The following GRIP1 variants were observed in gnomAD, a reference collection of about 807,000 sequenced individuals.
GRIP1 encodes glutamate receptor interacting protein 1.
A neutral mutation model predicts 129.9 loss-of-function variants in GRIP1; 45 were observed. That is an observed-to-expected ratio of 0.35 (90% CI 0.27 to 0.44). GRIP1 has a LOEUF of 0.44. Among genes scored for constraint, GRIP1 ranks in the 20% least tolerant of loss-of-function variants. The pLI, the probability that GRIP1 is intolerant of heterozygous loss-of-function variation, is 1.00. For synonymous variants in GRIP1, 530 were observed against 520.8 expected, an observed-to-expected ratio of 1.02 and a Z score of -0.24; for missense variants, 1,196 against 1,396.8, an observed-to-expected ratio of 0.86 and a Z score of 2.29.
upstream of GRIP1, among the ~76,000 whole-genome samples, chr12:66,807,463 G>A (rs2039016246): frequency 6.6e-6 from 1 of 152,124 alleles, no homozygotes; most frequent in Admixed American, 6.5e-5. Context: ...CAAAAGGTCA[G>A]GAGATCGAGA....
intron 1 of GRIP1, among the ~76,000 whole-genome samples, chr12:66,947,860 T>C (rs764460506): frequency 9.2e-5 from 14 of 152,230 alleles, no homozygotes; most frequent in Non-Finnish European, 8.8e-5. Context: ...TTAAGCAACA[T>C]TTGCAGCTGA....
intron 1 of GRIP1, among the ~76,000 whole-genome samples, chr12:66,748,984 G>C (rs1473694010): frequency 6.6e-6 from 1 of 152,104 alleles, no homozygotes; most frequent in African/African-American, 2.4e-5. Context: ...TCACTACCTA[G>C]GCAGGGATAA....
intron 2 of GRIP1, among the ~76,000 whole-genome samples, chr12:66,571,228 C>T (rs886262430): frequency 2.6e-5 from 4 of 152,100 alleles, no homozygotes; most frequent in Non-Finnish European, 4.4e-5. Context: ...CACTTTCACA[C>T]GATGTGTAAG....
In GRIP1 at chr12:66,888,315, C is replaced by T. The variant is rs113395689; in HGVS notation, c.58+180735G>A. Among the ~76,000 whole-genome samples, 947 of 152,152 alleles carry T rather than the reference C, an allele frequency of 6.2e-3. 7 individuals carry two copies. The highest frequency in any genetic ancestry group is 0.022 in the African/African-American group (902 of 41,506). ...GACTCAAGCAATCATCTTACCTCAG[C>T]CTCCCAAAGTGCTAGGATTACAGGC... On this transcript the variant is annotated intron_variant, in intron 1 of 1. Transcript: ENST00000643019.
At chr12:66,876,621 A>G (rs145932882) in intron 1 of GRIP1, among the ~76,000 whole-genome samples, 3 of 152,206 alleles carry the variant, frequency 2.0e-5, no homozygotes, top group African/African-American at 7.2e-5. Context: ...TAGTTGAGTG[A>G]CTGGTTTCAG....
intron 1 of GRIP1, among the ~76,000 whole-genome samples, chr12:66,648,072 C>CT (rs1415824934): frequency 6.6e-6 from 1 of 152,116 alleles, no homozygotes; most frequent in East Asian, 1.9e-4. Context: ...TCCACCCACT[C>CT]TTCCCCCCTC....
chr12:67,002,220 G>A (rs2042561645), intron 1 of GRIP1, among the ~76,000 whole-genome samples: 1 of 152,150 alleles, frequency 6.6e-6, no homozygotes, highest in African/African-American at 2.4e-5. Flanking sequence ...AAGAATTGTA[G>A]CACAACTATT....
At chr12:66,468,684 T>TA (rs969128052) in intron 7 of GRIP1, among the ~76,000 whole-genome samples, 3 of 151,880 alleles carry the variant, frequency 2.0e-5, no homozygotes, top group African/African-American at 7.3e-5. Context: ...AGTTAGTTTT[T>TA]TTTTTTCATG....
At chr12:66,672,730 G>T (rs1013551771) in intron 1 of GRIP1, among the ~76,000 whole-genome samples, 1 of 152,010 alleles carries the variant, frequency 6.6e-6, no homozygotes, top group African/African-American at 2.4e-5. Context: ...ATAGTGGGAA[G>T]TTATCAAATT....
chr12:67,043,564 T>C (rs1389701866), intron 1 of GRIP1, among the ~76,000 whole-genome samples: 1 of 152,128 alleles, frequency 6.6e-6, no homozygotes, highest in Non-Finnish European at 1.5e-5. Context: ...GCAAAAGAGA[T>C]AATTAAGTGG....
rs151271036 is a variant in GRIP1, at chr12:66,987,583, A to T, written c.58+81467T>A. 3.3e-4 allele frequency among the ~76,000 whole-genome samples: 51 copies of T among 152,286 alleles called. No individual in the cohort carries two copies. The East Asian group carries it at 9.1e-3, about 27-fold the overall frequency. On this transcript the variant is annotated intron_variant, in intron 1 of 1. Transcript: ENST00000643019. ...TGTCTGCCAGAGAGAAAATCTACCC[A>T]TATCAACACCACAGGTCATCTTTGG...
intron 1 of GRIP1, among the ~76,000 whole-genome samples, chr12:67,032,114 C>G (rs918607728): frequency 3.9e-5 from 6 of 152,168 alleles, no homozygotes; most frequent in African/African-American, 1.4e-4. Context: ...CCTTTGAAAT[C>G]TATAGGCTTT....
intron 1 of GRIP1, among the ~76,000 whole-genome samples, chr12:66,822,538 G>T (rs2039338423): frequency 6.6e-6 from 1 of 152,080 alleles, no homozygotes; most frequent in African/African-American, 2.4e-5. Context: ...CCATCAAAAA[G>T]ACACATGAAC....
At chr12:66,701,832 C>T (rs2035363447) in intron 1 of GRIP1, among the ~76,000 whole-genome samples, 2 of 152,108 alleles carry the variant, frequency 1.3e-5, no homozygotes, top group Admixed American at 1.3e-4. Flanking sequence ...TTCATGCAAA[C>T]CTTTAGCTGA....
chr12:67,011,808 A>G (rs2042712413), intron 1 of GRIP1, among the ~76,000 whole-genome samples: 1 of 152,112 alleles, frequency 6.6e-6, no homozygotes, highest in Non-Finnish European at 1.5e-5. Flanking sequence ...GGTCAGCAAC[A>G]TTTTTCTTTA....
intron 1 of GRIP1, among the ~76,000 whole-genome samples, chr12:66,904,722 C>A (rs1566072562): frequency 6.6e-6 from 1 of 152,022 alleles, no homozygotes; most frequent in Admixed American, 6.6e-5. Flanking sequence ...GAAACCTCAT[C>A]TTCTATTAAA....
intron 14 of GRIP1, among the ~76,000 whole-genome samples, chr12:66,421,858 G>A (rs916191896): frequency 6.6e-6 from 1 of 151,778 alleles, no homozygotes; most frequent in Non-Finnish European, 1.5e-5. Flanking sequence ...TTATAAATGA[G>A]CCTACTTAGA....
intron 1 of GRIP1, among the ~76,000 whole-genome samples, chr12:66,991,717 T>C (rs377347318): frequency 9.2e-5 from 14 of 152,282 alleles, no homozygotes; most frequent in East Asian, 7.7e-4. Flanking sequence ...TTAATGGTGA[T>C]ATAAAAGCAG....
chr12:66,937,970 C>T (rs769034653), intron 1 of GRIP1, among the ~76,000 whole-genome samples: 28 of 152,092 alleles, frequency 1.8e-4, no homozygotes, highest in Non-Finnish European at 1.2e-4. Flanking sequence ...TGAACTATAG[C>T]TAGTCTGAAT....
Sources: allele counts gnomAD v4.1 joint callset (sites outside exome capture counted in the v4.1 genomes callset), GRCh38; gene constraint gnomAD v4.1.1; transcripts MANE v1.5; gene names NCBI Gene and HGNC (gene_info 2026-07-23, HGNC 2026-07-21).